The following CLIP1 variants were observed in gnomAD, a reference collection of about 807,000 sequenced individuals.
CLIP1 encodes the protein CAP-Gly domain containing linker protein 1, also known as CAP-Gly domain-containing linker protein 1.
A neutral mutation model predicts 161.6 loss-of-function variants in CLIP1; 66 were observed. The observed-to-expected ratio is 0.41, with a 90% confidence interval of 0.33 to 0.50. CLIP1 has a LOEUF of 0.50. Among genes scored for constraint, CLIP1 ranks in the 20% least tolerant of loss-of-function variants. CLIP1 has a pLI of 0.27. For missense variants in CLIP1, 1,376 were observed against 1,702.0 expected (o/e 0.81, Z 3.37); for synonymous variants, 598 against 626.2 (o/e 0.96, Z 0.67).
rs529235196 is a variant in CLIP1 at position 122,405,505 on chromosome 12, G to A, written c.-107+17016C>T. On this transcript the variant is annotated intron_variant, in intron 1 of 25. Transcript: ENST00000620786. ...AACACAAAGATTAAAAAAGCAAATA[G>A]CAGCCAGGCGCGGTGGCTCACACCT... 2.6e-5 allele frequency among the ~76,000 whole-genome samples: 4 copies of A among 152,212 alleles called. No homozygotes were observed. The South Asian group carries it at 6.2e-4, about 24-fold the overall frequency.
At chr12:122,325,350 G>A (rs901167572) in intron 17 of CLIP1, among the ~76,000 whole-genome samples, 4 of 151,896 alleles carry the variant, frequency 2.6e-5, no homozygotes, top group Admixed American at 1.3e-4. Flanking sequence ...GAGCCACCAC[G>A]CCCAGCTGAT....
At chr12:122,412,246 T>C (rs1425053240) in intron 1 of CLIP1, among the ~76,000 whole-genome samples, 1 of 151,192 alleles carries the variant, frequency 6.6e-6, no homozygotes, top group African/African-American at 2.4e-5. Context: ...TTTGTTTTTG[T>C]AGAAATGGAG....
chr12:122,357,725 G>T (rs1331056438), intron 5 of CLIP1, among the ~76,000 whole-genome samples: 1 of 148,888 alleles, frequency 6.7e-6, no homozygotes, highest in Non-Finnish European at 1.5e-5. Context: ...CGCCCCGTCC[G>T]GGAGGTGAGG....
intron 5 of CLIP1, among the ~76,000 whole-genome samples, chr12:122,356,582 A>G (rs1345022691): frequency 1.3e-5 from 2 of 152,272 alleles, no homozygotes; most frequent in Middle Eastern, 3.4e-3. Context: ...TCTGGTTATT[A>G]AAGAATGAAT....
intron 20 of CLIP1, among the ~76,000 whole-genome samples, chr12:122,308,789 G>A (rs1323789834): frequency 6.6e-6 from 1 of 152,112 alleles, no homozygotes; most frequent in Non-Finnish European, 1.5e-5. Context: ...AAGAGATGTG[G>A]CATTTCTTCC....
chr12:122,370,116 TG>T (rs1267373118), intron 3 of CLIP1, among the ~76,000 whole-genome samples: 3 of 146,642 alleles, frequency 2.0e-5, no homozygotes, highest in African/African-American at 7.6e-5. Context: ...TGAGCCGAAA[TG>T]GCGCTGCTGC....
At chr12:122,375,717 C>T (rs753317225) in intron 3 of CLIP1, among the ~76,000 whole-genome samples, 1 of 151,448 alleles carries the variant, frequency 6.6e-6, no homozygotes, top group Non-Finnish European at 1.5e-5. Context: ...TTCACTAAAC[C>T]AAAAATTAAA....
intron 20 of CLIP1, among the ~76,000 whole-genome samples, chr12:122,293,811 T>G (rs1229916185): frequency 9.2e-6 from 1 of 108,684 alleles, no homozygotes; most frequent in Non-Finnish European, 1.7e-5. Flanking sequence ...TTTTTGTTTT[T>G]TGTTTTTTTT....
chr12:122,282,682 T>C (rs950011667), intron 21 of CLIP1, among the ~76,000 whole-genome samples: 1 of 152,026 alleles, frequency 6.6e-6, no homozygotes, highest in Non-Finnish European at 1.5e-5. Context: ...TATATATATA[T>C]GTATATATAT....
At chr12:122,375,219 C>T (rs753301263) in intron 3 of CLIP1, among the ~76,000 whole-genome samples, 1 of 152,074 alleles carries the variant, frequency 6.6e-6, no homozygotes, top group Non-Finnish European at 1.5e-5. Context: ...GTAGACCTTA[C>T]ACCTTGTGTT....
chr12:122,354,760 A>G, intron 6 of CLIP1: 1 of 582,426 alleles, frequency 1.7e-6, no homozygotes, highest in Non-Finnish European at 3.1e-6. Flanking sequence ...AACAATGTTA[A>G]AACACCTCTC....
intron 1 of CLIP1, among the ~76,000 whole-genome samples, chr12:122,382,509 G>GA (rs919606367): frequency 5.2e-4 from 70 of 135,732 alleles, no homozygotes; most frequent in African/African-American, 6.4e-4. Context: ...CCTCGAAAAA[G>GA]AAAAAAAAAA....
At position 122,309,369 on chromosome 12, in the gene CLIP1, T is replaced by C. The variant is rs73404035; in HGVS notation, c.3594+393A>G. 3.7e-3 allele frequency among the ~76,000 whole-genome samples: 560 copies of C among 152,304 alleles called. 3 individuals are homozygous for C. Among genetic ancestry groups the C allele is most frequent in the African/African-American group, 0.013 (531 of 41,570 alleles). On this transcript the variant is annotated intron_variant, in intron 20 of 25. Transcript: ENST00000620786. ...AACACTTACACCAAATCTATATTCT[T>C]GGAATCTGTTTCTTCAAAATCAATT...
At chr12:122,277,352 GT>G (rs66999720) in intron 24 of CLIP1, 18,704 of 140,926 alleles carry the variant, frequency 0.13, 3,459 homozygotes, top group African/African-American at 0.43. Context: ...TGTTTTTTTT[GT>G]TTTTTTTTTT....
At chr12:122,344,993 G>GAA (rs11385321) in intron 10 of CLIP1, among the ~76,000 whole-genome samples, 8 of 151,772 alleles carry the variant, frequency 5.3e-5, no homozygotes, top group East Asian at 1.9e-4. Context: ...TCTAGAGCAG[G>GAA]AAAAAAAACA....
intron 1 of CLIP1, among the ~76,000 whole-genome samples, chr12:122,383,857 C>T (rs938244404): frequency 6.6e-5 from 10 of 151,520 alleles, no homozygotes; most frequent in African/African-American, 2.4e-4. Context: ...AAAAAAAAGA[C>T]ATTGTTGCCT....
rs1389738894 is a variant in CLIP1, at chr12:122,278,180, C to T, written c.3940G>A (p.Glu1314Lys). ...SSGNTDTQAD[E>K]DERAQESQID... is the part of the protein sequence containing the mutation. ...TGACTCTCCTGGGCTCTTTCATCCT[C>T]GTCTGCCTGAGTGTCTGTATTACCT... Residue 1314 changes from glutamate to lysine, a missense_variant, in exon 24 of 26, where the codon GAG becomes AAG. Coordinates refer to ENST00000620786, the MANE Select transcript of CLIP1 (RefSeq NM_001247997.2). 7 of 1,600,122 alleles carry T rather than the reference C, an allele frequency of 4.4e-6. No homozygotes were observed. The highest frequency in any genetic ancestry group is 1.7e-5 in the Admixed American group (1 of 59,522).
At chr12:122,304,855 A>T (rs890294034) in intron 20 of CLIP1, among the ~76,000 whole-genome samples, 1 of 152,212 alleles carries the variant, frequency 6.6e-6, no homozygotes, top group African/African-American at 2.4e-5. Context: ...GATGGCTGAT[A>T]ACCACCATTT....
At chr12:122,294,663 T>C (rs1950401082) in intron 20 of CLIP1, among the ~76,000 whole-genome samples, 1 of 151,906 alleles carries the variant, frequency 6.6e-6, no homozygotes, top group African/African-American at 2.4e-5. Context: ...CTCAGGAGGC[T>C]GAAGTGGGAG....
Sources: allele counts gnomAD v4.1 joint callset (sites outside exome capture counted in the v4.1 genomes callset), GRCh38; gene constraint gnomAD v4.1.1; transcripts MANE v1.5; gene names NCBI Gene and HGNC (gene_info 2026-07-23, HGNC 2026-07-21).